CD300LF: variants seen among roughly 807,000 people sequenced by gnomAD.
CD300LF encodes CMRF35-like molecule 1.
A neutral mutation model predicts 32.2 loss-of-function variants in CD300LF; 27 were observed. That is an observed-to-expected ratio of 0.84 (90% CI 0.62 to 1.15). The LOEUF is 1.15. Ranked by LOEUF, CD300LF falls within the 50% of genes most tolerant of loss-of-function variation. The pLI is 0.00. For missense variants in CD300LF, 348 were observed against 356.8 expected, an observed-to-expected ratio of 0.98 and a Z score of 0.20; for synonymous variants, 139 against 143.2, an observed-to-expected ratio of 0.97 and a Z score of 0.21.
intron 3 of CD300LF, among the ~76,000 whole-genome samples, chr17:74,701,455 CATAAA>C (rs1044281218): frequency 3.9e-5 from 6 of 152,166 alleles, no homozygotes. Context: ...GGCTTCGATT[CATAAA>C]ATAATAAATA....
intron 3 of CD300LF, among the ~76,000 whole-genome samples, chr17:74,700,194 A>AAAAT (rs779862060): frequency 2.2e-4 from 33 of 151,850 alleles, no homozygotes; most frequent in Non-Finnish European, 4.4e-4. Context: ...CAATCAAAAT[A>AAAAT]AAATAAATAA....
chr17:74,705,120 G>T, intron 1 of CD300LF: 2 of 677,536 alleles, frequency 3.0e-6, no homozygotes, highest in Non-Finnish European at 5.5e-6. Flanking sequence ...TATATTTCAA[G>T]GAATGTCCTT....
At chr17:74,695,693 C>T in intron 6 of CD300LF, 32 bp downstream of exon 6, 1 of 1,613,806 alleles carries the variant, frequency 6.2e-7, no homozygotes, top group Admixed American at 1.7e-5. Context: ...CCCCCTGCCC[C>T]AGCCTCACAG....
In CD300LF at chr17:74,704,575, C is replaced by T; in HGVS notation, c.285G>A (p.Met95Ile). The T allele has an allele frequency of 1.2e-6, 2 of 1,614,174 alleles. No individual in the cohort carries two copies. Among genetic ancestry groups the T allele is most frequent in the East Asian group, 4.5e-5 (2 of 44,884 alleles). ...NQKNRTFTVT[M>I]EDLMKTDADT... The stretch of plus-strand genomic sequence containing the variant: ...CAGCATCAGTTTTCATGAGATCCTC[C>T]ATGGTCACAGTGAACGTGCGGTTTT... Residue 95 changes from methionine to isoleucine, a missense_variant, in exon 2 of 7, where the codon ATG (methionine) becomes ATA (isoleucine). By Grantham distance (10) the Met-to-Ile change is conservative (BLOSUM62 1). Transcript: ENST00000326165.
chr17:74,698,360 T>G lies in CD300LF; in HGVS notation c.559+9A>C. On this transcript the variant is annotated intron_variant, in intron 4 of 6. Coordinates refer to ENST00000326165, the MANE Select transcript of CD300LF (RefSeq NM_139018.5). ...CAGTCTCAGCCCAGCCTCACCCAGG[T>G]CCTCTCACCTTTCTGCTGGTACTTC... 1 of 1,597,834 alleles carries G rather than the reference T, an allele frequency of 6.3e-7. No individual in the cohort carries two copies. The highest frequency in any genetic ancestry group is 1.1e-5 in the South Asian group (1 of 90,642).
At position 74,695,830 on chromosome 17, in the gene CD300LF, G is replaced by A. The variant is rs2032408709; in HGVS notation, c.612C>T (p.Cys204=). The part of the protein sequence containing the change: ...QVLQPLEGDL[C]YADLTLQLAG... ...CCAGCTGCAGGGTCAGGTCTGCATA[G>A]CAGAGGTCGCCCTCCAGGGGCTGCA... is the stretch of plus-strand genomic sequence containing the variant. Residue 204 remains cysteine, a synonymous_variant, in exon 6 of 7, where the codon TGC becomes TGT. Coordinates refer to ENST00000326165, the MANE Select transcript of CD300LF (RefSeq NM_139018.5). 6 of 1,614,090 alleles carry A rather than the reference G, an allele frequency of 3.7e-6. No homozygotes were observed. The African/African-American group carries it at 4.0e-5, about 11-fold the overall frequency.
chr17:74,708,788 C>T (rs544399671), intron 1 of CD300LF, among the ~76,000 whole-genome samples: 24 of 151,908 alleles, frequency 1.6e-4, no homozygotes, highest in Admixed American at 7.9e-4. Flanking sequence ...TGGTGGCGGG[C>T]GCCTGTAGTC....
chr17:74,710,376 G>A (rs2033856802), intron 1 of CD300LF, among the ~76,000 whole-genome samples: 1 of 152,162 alleles, frequency 6.6e-6, no homozygotes, highest in East Asian at 1.9e-4. Context: ...AAATGAAAAA[G>A]TATTTTAATT....
At chr17:74,707,404 C>G (rs1164565322) in intron 1 of CD300LF, among the ~76,000 whole-genome samples, 2 of 152,126 alleles carry the variant, frequency 1.3e-5, no homozygotes, top group Non-Finnish European at 2.9e-5. Flanking sequence ...TCTCTGATCA[C>G]CAGAAAAATG....
intron 1 of CD300LF, among the ~76,000 whole-genome samples, chr17:74,706,290 T>C (rs1029467930): frequency 6.8e-6 from 1 of 148,030 alleles, no homozygotes; most frequent in East Asian, 1.9e-4. Flanking sequence ...AAAATATATA[T>C]ATATATATAT....
rs539934575 is a variant in CD300LF, at chr17:74,708,744, G to A, written c.44-3928C>T. Among the ~76,000 whole-genome samples the A allele has an allele frequency of 6.3e-4, 96 of 152,158 alleles. No homozygotes were observed. The South Asian group carries it at 0.011, about 17-fold the overall frequency. ...ATCCTGGCTAACACGGTGAAACCCT[G>A]TCTCTACTAAAAATACAAAAAATTA... On this transcript the variant is annotated intron_variant, in intron 1 of 6. Transcript: ENST00000326165.
At chr17:74,711,499 C>T (rs1338432055) in intron 1 of CD300LF, among the ~76,000 whole-genome samples, 1 of 152,222 alleles carries the variant, frequency 6.6e-6, no homozygotes, top group African/African-American at 2.4e-5. Context: ...TCTTCCTGTA[C>T]CAGCCTAGCA....
intron 1 of CD300LF, among the ~76,000 whole-genome samples, chr17:74,710,878 C>G (rs2033907896): frequency 6.7e-6 from 1 of 149,466 alleles, no homozygotes; most frequent in Admixed American, 6.7e-5. Context: ...AAAAAAAAAA[C>G]AAAAAATCTG....
chr17:74,706,343 C>CTT (rs765052724), intron 1 of CD300LF, among the ~76,000 whole-genome samples: 2 of 135,010 alleles, frequency 1.5e-5, no homozygotes, highest in Non-Finnish European at 3.2e-5. Context: ...TGTGCCTGGC[C>CTT]TTTTTTTTTT....
intron 1 of CD300LF, among the ~76,000 whole-genome samples, chr17:74,705,648 AT>A (rs1321252670): frequency 6.6e-6 from 1 of 151,944 alleles, no homozygotes; most frequent in Non-Finnish European, 1.5e-5. Flanking sequence ...CAGTGGCACA[AT>A]CATGGCTCAA....
At chr17:74,706,477 G>A (rs1259291792) in intron 1 of CD300LF, among the ~76,000 whole-genome samples, 1 of 151,584 alleles carries the variant, frequency 6.6e-6, no homozygotes, top group South Asian at 2.1e-4. Context: ...AGATCAGCCT[G>A]ACCAACATGG....
intron 1 of CD300LF, chr17:74,705,410 C>T: frequency 1.9e-6 from 1 of 526,764 alleles, no homozygotes; most frequent in East Asian, 2.9e-5. Flanking sequence ...ATCCCACTTT[C>T]TTTAATGAAT....
chr17:74,695,236 C>T lies in CD300LF; in HGVS notation c.733G>A (p.Glu245Lys). The T allele has an allele frequency of 6.2e-7, 1 of 1,614,012 alleles. No individual in the cohort carries two copies. The highest frequency in any genetic ancestry group is 2.2e-5 in the East Asian group (1 of 44,878). Residue 245 changes from glutamate to lysine, a missense_variant, in exon 7 of 7, where the codon GAG (glutamate) becomes AAG (lysine). Physicochemically the swap from Glu to Lys is moderately conservative, Grantham distance 56. Transcript: ENST00000326165. ...GTCAGAGATGCATAGGAAATGTCCT[C>T]CTTCGGCAAGGAAGCCTGCAGCAAA... ...EYVTMASLPK[E>K]DISYASLTLG...
intron 1 of CD300LF, among the ~76,000 whole-genome samples, chr17:74,712,379 C>T (rs1199569356): frequency 6.6e-6 from 1 of 152,146 alleles, no homozygotes; most frequent in East Asian, 1.9e-4. Flanking sequence ...CTAGAACCAC[C>T]ACTCCCTCTC....
Sources: gnomAD v4.1 joint callset for allele counts (sites outside exome capture counted in the v4.1 genomes callset) on GRCh38, gnomAD v4.1.1 for gene constraint, MANE v1.5 for transcripts, NCBI Gene and HGNC (gene_info 2026-07-23, HGNC 2026-07-21) for gene names.